Variants in KDM2A observed in about 807,000 individuals in gnomAD.
The protein encoded by KDM2A is lysine demethylase 2A, also known as lysine-specific demethylase 2A.
A neutral mutation model predicts 137.3 loss-of-function variants in KDM2A; 3 were observed. That is an observed-to-expected ratio of 0.02 (90% confidence interval 0.01 to 0.06). The LOEUF is 0.06. KDM2A is among the 10% of genes least tolerant of loss of function. The probability of loss-of-function intolerance (pLI) is 1.00; values close to 1 mark genes in which losing one functional copy is unlikely to be tolerated. For missense variants in KDM2A, 738 were observed against 1,510.6 expected (o/e 0.49, Z 8.48); for synonymous variants, 512 against 541.5 (o/e 0.95, Z 0.76).
chr11:67,142,108 C>T lies in KDM2A; in HGVS notation c.42+20750C>T, dbSNP rs371971917. ...GGCTGGAGTGCAGTGGCACGATCTC[C>T]GCTCACTGCAACCTCCACTTCCCAG... On this transcript the variant is annotated intron_variant, in intron 2 of 20. Transcript: ENST00000529006. 1.8e-3 allele frequency among the ~76,000 whole-genome samples: 272 copies of T among 151,886 alleles called. 8 individuals carry two copies. In the South Asian group the frequency reaches 0.051, roughly 28 times the overall value.
At chr11:67,222,231 T>C (rs1858384026) in intron 10 of KDM2A, among the ~76,000 whole-genome samples, 2 of 101,902 alleles carry the variant, frequency 2.0e-5, no homozygotes, top group Non-Finnish European at 3.9e-5. Flanking sequence ...CCTTCCGCAG[T>C]GTTTGTGTCC....
At position 67,241,933 on chromosome 11, in the gene KDM2A, G is replaced by A. The variant is rs1658480025; in HGVS notation, c.1480-1076G>A. ...AAAATACAAAAATTAGCTGGGTATG[G>A]TGGCAGGTGCCTGTAATCCCAGCTA... is the stretch of plus-strand genomic sequence containing the variant. On this transcript the variant is annotated intron_variant, in intron 12 of 20. Transcript: ENST00000529006. Among the ~76,000 whole-genome samples the A allele has an allele frequency of 2.0e-5, 3 of 152,236 alleles. No homozygotes were observed. The South Asian group carries it at 6.2e-4, about 32-fold the overall frequency.
Position 67,255,321 on chromosome 11 carries a change from G to T in KDM2A, c.*266G>T, listed in dbSNP as rs553016868. 9.8e-6 allele frequency: 5 copies of T among 508,900 alleles called. No individual in the cohort carries two copies. The highest frequency in any genetic ancestry group is 8.9e-5 in the Admixed American group (3 of 33,722). The allele number at this position is 508,900 out of a possible 1,614,324, so 31.5% of individuals were successfully genotyped here. A position where few individuals can be genotyped will look rare whatever the true frequency, so the allele number is the denominator to read the frequency against. ...GGCTGTGCTGTCGAGGCGCCTGCTC[G>T]CTTACTCGCCTGCCAGGAGGCCGGG... On this transcript the variant is annotated 3_prime_UTR_variant, in exon 21 of 21. Transcript: ENST00000529006.
chr11:67,244,834 A>G (rs1353404237), intron 13 of KDM2A, among the ~76,000 whole-genome samples: 1 of 151,964 alleles, frequency 6.6e-6, no homozygotes, highest in Non-Finnish European at 1.5e-5. Flanking sequence ...AAATACAAAA[A>G]AATTAGCTGG....
chr11:67,256,679 C>G lies in KDM2A; in HGVS notation c.*1624C>G, dbSNP rs566741113. 1 of 152,830 alleles carries G rather than the reference C, an allele frequency of 6.5e-6. No individual in the cohort carries two copies. Among genetic ancestry groups the G allele is most frequent in the African/African-American group, 2.4e-5 (1 of 41,578 alleles). 9.5% of individuals were successfully genotyped at this position (152,830 alleles called of 1,614,324 possible). On this transcript the variant is annotated 3_prime_UTR_variant, in exon 21 of 21. Transcript: ENST00000529006. Reference sequence around the variant, plus strand: ...GTGTGAGCCACTGAGAAGAGAGACGCCAACTGCACCCTTGCCACTTCCAAA... The same window carrying G: ...GTGTGAGCCACTGAGAAGAGAGACGGCAACTGCACCCTTGCCACTTCCAAA...
intron 5 of KDM2A, among the ~76,000 whole-genome samples, chr11:67,206,565 C>T (rs1284079299): frequency 2.6e-5 from 4 of 152,118 alleles, no homozygotes; most frequent in African/African-American, 9.7e-5. Context: ...GGTGAAACCC[C>T]GTCTCTACTA....
chr11:67,136,504 T>G (rs1400461671), intron 2 of KDM2A, among the ~76,000 whole-genome samples: 1 of 152,226 alleles, frequency 6.6e-6, no homozygotes, highest in African/African-American at 2.4e-5. Flanking sequence ...GCATTTTATT[T>G]GGGTCTTCTA....
At chr11:67,141,684 T>A (rs11227707) in intron 2 of KDM2A, among the ~76,000 whole-genome samples, 11,296 of 104,742 alleles carry the variant, frequency 0.11, 597 homozygotes, top group Non-Finnish European at 0.14. Flanking sequence ...AAAAAAAAAA[T>A]ATATATATAT....
At chr11:67,214,455 C>T (rs541985517) in intron 6 of KDM2A, among the ~76,000 whole-genome samples, 16 of 152,220 alleles carry the variant, frequency 1.1e-4, no homozygotes, top group Non-Finnish European at 2.1e-4. Context: ...CCACCTGCCT[C>T]GGCCTCCCAA....
chr11:67,160,762 A>G (rs1340631564), intron 2 of KDM2A, among the ~76,000 whole-genome samples: 1 of 151,464 alleles, frequency 6.6e-6, no homozygotes, highest in African/African-American at 2.4e-5. Flanking sequence ...AAAGAGTGAA[A>G]CTCCATCTCA....
Position 67,134,746 on chromosome 11 carries a change from C to G in KDM2A, c.42+13388C>G, listed in dbSNP as rs183370631. Among the ~76,000 whole-genome samples, 21 of 152,208 alleles carry G rather than the reference C, an allele frequency of 1.4e-4. 1 individual carries two copies. The highest frequency in any genetic ancestry group is 2.6e-4 in the Non-Finnish European group (18 of 68,012). ...TCTCGAACTTCTGACCTCAGGTGAT[C>G]CACCTGCTTCAGCCTCTCAAAGTGC... On this transcript the variant is annotated intron_variant, in intron 2 of 20. Transcript: ENST00000529006.
chr11:67,150,636 A>T (rs1271973204), intron 2 of KDM2A, among the ~76,000 whole-genome samples: 1 of 152,120 alleles, frequency 6.6e-6, no homozygotes, highest in East Asian at 1.9e-4. Context: ...CTTTGAGAGG[A>T]GGGATCTAAG....
intron 12 of KDM2A, chr11:67,240,275 C>T (rs954814723): frequency 6.5e-7 from 1 of 1,535,600 alleles, no homozygotes; most frequent in Non-Finnish European, 8.7e-7. Context: ...ATATCTAACT[C>T]CTTCAGGAGA....
At chr11:67,232,505 C>CT (rs1208140969) in intron 12 of KDM2A, among the ~76,000 whole-genome samples, 2 of 152,086 alleles carry the variant, frequency 1.3e-5, no homozygotes, top group African/African-American at 4.8e-5. Context: ...TTTAATTATA[C>CT]TTTAAGTTCT....
rs1417110335 is a variant in KDM2A at position 67,255,984 on chromosome 11, G to A, written c.*929G>A. On this transcript the variant is annotated 3_prime_UTR_variant, in exon 21 of 21. Transcript: ENST00000529006. ...CTCCCCCAAGCTGGAGGCGGCAGAG[G>A]ACTGGGCCAAGCCCCAACCTGCCTC... The A allele has an allele frequency of 5.3e-6, 1 of 190,194 alleles. No individual in the cohort carries two copies. Among genetic ancestry groups the A allele is most frequent in the African/African-American group, 2.4e-5 (1 of 42,108 alleles). The allele number at this position is 190,194 out of a possible 1,614,324, so 11.8% of individuals were successfully genotyped here.
At chr11:67,237,550 G>A (rs982239422) in intron 12 of KDM2A, among the ~76,000 whole-genome samples, 4 of 151,684 alleles carry the variant, frequency 2.6e-5, no homozygotes. Flanking sequence ...CTCCTGCCTC[G>A]ACCTCCCAAG....
chr11:67,209,740 G>A (rs894410047), intron 6 of KDM2A, among the ~76,000 whole-genome samples: 5 of 151,976 alleles, frequency 3.3e-5, no homozygotes, highest in African/African-American at 4.8e-5. Context: ...CACTGTACCC[G>A]GCCAATTTCC....
At chr11:67,177,572 C>G (rs1218951684) in intron 2 of KDM2A, among the ~76,000 whole-genome samples, 1 of 152,072 alleles carries the variant, frequency 6.6e-6, no homozygotes, top group Non-Finnish European at 1.5e-5. Context: ...TGTCTTCCGC[C>G]TCCACATCTT....
intron 2 of KDM2A, among the ~76,000 whole-genome samples, chr11:67,156,808 G>A (rs1299146817): frequency 2.6e-5 from 4 of 151,828 alleles, no homozygotes; most frequent in East Asian, 3.9e-4. Context: ...AGAATCGCTT[G>A]AACCTGAGAG....
Sources: allele counts gnomAD v4.1 joint callset (sites outside exome capture counted in the v4.1 genomes callset), GRCh38; gene constraint gnomAD v4.1.1; transcripts MANE v1.5; gene names NCBI Gene and HGNC (gene_info 2026-07-23, HGNC 2026-07-21).